CFAP54: variants seen among roughly 807,000 people sequenced by gnomAD.
CFAP54 encodes cilia- and flagella-associated protein 54.
Under a neutral mutation model 370.4 loss-of-function variants are expected in CFAP54, and 290 were observed. The ratio of observed to expected loss-of-function variants is 0.78; its 90% CI spans 0.71 to 0.86. CFAP54 has a LOEUF of 0.86. Among genes scored for constraint, CFAP54 ranks in the 40% least tolerant of loss-of-function variants. The pLI is 0.00. For missense variants in CFAP54, 3,399 were observed against 3,528.7 expected, an observed-to-expected ratio of 0.96 and a Z score of 0.93; for synonymous variants, 1,206 against 1,236.5, an observed-to-expected ratio of 0.98 and a Z score of 0.52.
intron 13 of CFAP54, among the ~76,000 whole-genome samples, chr12:96,539,074 TTTTGTTTTTG>T (rs1227733554): frequency 3.6e-5 from 5 of 138,264 alleles, no homozygotes; most frequent in African/African-American, 8.3e-5. Flanking sequence ...GTTTTTTTTT[TTTTGTTTTTG>T]TTTTTGAGAT....
chr12:96,489,581 A>C lies in CFAP54; in HGVS notation c.-29A>C. ...CGTCGCCAGGCAACCGCGTGTACACATACTCCAGGCGGGCCGGGGCGCGTC... is the reference window on the plus strand; with the variant it reads ...CGTCGCCAGGCAACCGCGTGTACACCTACTCCAGGCGGGCCGGGGCGCGTC... On this transcript the variant is annotated 5_prime_UTR_variant, in exon 1 of 68. Transcript: ENST00000524981. The C allele has an allele frequency of 1.3e-6, 2 of 1,488,748 alleles. No individual in the cohort carries two copies. The highest frequency in any genetic ancestry group is 2.6e-5 in the South Asian group (2 of 78,298). The allele number at this position is 1,488,748 out of a possible 1,614,324, so 92.2% of individuals were successfully genotyped here. A position where few individuals can be genotyped will look rare whatever the true frequency, so the allele number is the denominator to read the frequency against.
At chr12:96,540,400 A>G (rs1414688692) in intron 13 of CFAP54, among the ~76,000 whole-genome samples, 3 of 152,152 alleles carry the variant, frequency 2.0e-5, no homozygotes, top group African/African-American at 7.2e-5. Flanking sequence ...GTGCCCGGCC[A>G]TGAAAGACAA....
intron 2 of CFAP54, among the ~76,000 whole-genome samples, chr12:96,502,642 G>A (rs551547766): frequency 1.3e-5 from 2 of 152,190 alleles, no homozygotes; most frequent in African/African-American, 4.8e-5. Flanking sequence ...GCCTCCCAAG[G>A]GGCTAGGTAA....
chr12:96,786,495 CT>C (rs1209199165), intron 61 of CFAP54, among the ~76,000 whole-genome samples, 179 bp from the exon 62 acceptor site: 1 of 152,000 alleles, frequency 6.6e-6, no homozygotes, highest in Non-Finnish European at 1.5e-5. Context: ...ATTTTGTTTC[CT>C]TCTGTGGCAA....
intron 44 of CFAP54, among the ~76,000 whole-genome samples, chr12:96,693,066 A>G (rs1957403131): frequency 6.6e-6 from 1 of 152,216 alleles, no homozygotes; most frequent in Non-Finnish European, 1.5e-5. Context: ...ATGGGACTTC[A>G]AGAGCAATTG....
intron 63 of CFAP54, among the ~76,000 whole-genome samples, chr12:96,802,566 A>G (rs1201591640): frequency 6.6e-6 from 1 of 152,118 alleles, no homozygotes; most frequent in Non-Finnish European, 1.5e-5. Flanking sequence ...GCCACCACCC[A>G]TATGACACCA....
chr12:96,629,901 T>C (rs1357234691), intron 30 of CFAP54, among the ~76,000 whole-genome samples, 192 bp from the exon 31 acceptor site: 1 of 152,224 alleles, frequency 6.6e-6, no homozygotes, highest in South Asian at 2.1e-4. Context: ...ATGATATGAT[T>C]TACACTTTGC....
chr12:96,539,072 T>G lies in CFAP54; in HGVS notation c.1926+554T>G, dbSNP rs183375924. Among the ~76,000 whole-genome samples the G allele has an allele frequency of 8.9e-4, 122 of 137,786 alleles. 1 individual carries two copies. Among genetic ancestry groups the G allele is most frequent in the Admixed American group, 1.2e-3 (17 of 13,630 alleles). 90.4% of individuals were successfully genotyped at this position (137,786 alleles called of 152,430 possible). ...ACGCCCGGCCTTTTCAGGTTTTTTT[T>G]TTTTTGTTTTTGTTTTTGAGATGGA... is the stretch of plus-strand genomic sequence containing the variant. On this transcript the variant is annotated intron_variant, in intron 13 of 67. Transcript: ENST00000524981.
chr12:96,490,835 T>C (rs1274950881), intron 1 of CFAP54, among the ~76,000 whole-genome samples: 1 of 152,256 alleles, frequency 6.6e-6, no homozygotes, highest in African/African-American at 2.4e-5. Context: ...AGAATCCATG[T>C]CCTTATAGAG....
chr12:96,812,298 T>C (rs1958935603), intron 64 of CFAP54, among the ~76,000 whole-genome samples: 1 of 152,198 alleles, frequency 6.6e-6, no homozygotes, highest in Non-Finnish European at 1.5e-5. Flanking sequence ...CAAACTCCAC[T>C]ACCTCCCTTG....
chr12:96,713,165 T>C (rs1037600568), intron 48 of CFAP54, among the ~76,000 whole-genome samples: 1 of 152,170 alleles, frequency 6.6e-6, no homozygotes, highest in Non-Finnish European at 1.5e-5. Context: ...GCTACTGTAT[T>C]ATCCAGAAAT....
intron 44 of CFAP54, among the ~76,000 whole-genome samples, chr12:96,692,035 CT>C (rs957983976): frequency 3.3e-5 from 5 of 150,918 alleles, no homozygotes; most frequent in Non-Finnish European, 5.9e-5. Context: ...TCCTTTTCTG[CT>C]TTTTTCCCTT....
chr12:96,516,920 A>G (rs141743687), intron 5 of CFAP54, among the ~76,000 whole-genome samples: 9 of 152,074 alleles, frequency 5.9e-5, no homozygotes, highest in Admixed American at 2.0e-4. Flanking sequence ...ATTTAATCGT[A>G]TGTATATTTC....
chr12:96,521,503 CGTGTGTGTGTGT>C (rs10554608), intron 6 of CFAP54, among the ~76,000 whole-genome samples: 8,964 of 129,644 alleles, frequency 0.069, 369 homozygotes, highest in Admixed American at 0.13. Flanking sequence ...CAACTGAGGA[CGTGTGTGTGTGT>C]GTGTGTGTGT....
chr12:96,822,014 C>T (rs1959041026), intron 65 of CFAP54, among the ~76,000 whole-genome samples: 1 of 152,084 alleles, frequency 6.6e-6, no homozygotes, highest in Non-Finnish European at 1.5e-5. Context: ...ATGTATATCC[C>T]CCCAAAACCC....
intron 24 of CFAP54, among the ~76,000 whole-genome samples, chr12:96,593,977 A>T (rs566305766): frequency 6.6e-6 from 1 of 152,034 alleles, no homozygotes; most frequent in African/African-American, 2.4e-5. Flanking sequence ...TGTTAATATA[A>T]TTTATATTTT....
At chr12:96,699,118 G>A (rs1487450945) in intron 45 of CFAP54, among the ~76,000 whole-genome samples, 3 of 152,102 alleles carry the variant, frequency 2.0e-5, no homozygotes, top group Non-Finnish European at 2.9e-5. Context: ...CATCTGATTG[G>A]TTGCAAAAGG....
rs750989306 is a variant in CFAP54, at chr12:96,592,613, C to A, written c.3336C>A (p.Gly1112=). The change falls in exon 24 of 68, where the codon GGC becomes GGA. Residue 1112 remains glycine (G), a synonymous_variant. Transcript: ENST00000524981. ...EENLFCDNIK[G]NEIFPSQQIA... is the part of the protein sequence containing the mutation. ...ATCTTTTCTGTGATAATATTAAAGG[C>A]AATGAGATTTTCCCATCTCAACAAG... is the stretch of plus-strand genomic sequence containing the variant. 9 of 1,202,886 alleles carry A rather than the reference C, an allele frequency of 7.5e-6. No individual in the cohort carries two copies. In the South Asian group the frequency reaches 1.4e-4, roughly 19 times the overall value. 74.5% of individuals were successfully genotyped at this position (1,202,886 alleles called of 1,614,324 possible). A position where few individuals can be genotyped will look rare whatever the true frequency, so the allele number is the denominator to read the frequency against.
chr12:96,672,042 A>C (rs1957152923), intron 39 of CFAP54, among the ~76,000 whole-genome samples: 1 of 152,208 alleles, frequency 6.6e-6, no homozygotes. Flanking sequence ...CAAGTAACTT[A>C]GCACCGTCAG....
Sources: allele counts gnomAD v4.1 joint callset (sites outside exome capture counted in the v4.1 genomes callset), GRCh38; gene constraint gnomAD v4.1.1; transcripts MANE v1.5; gene names NCBI Gene and HGNC (gene_info 2026-07-23, HGNC 2026-07-21).